BPTF: variants seen among roughly 807,000 people sequenced by gnomAD.
The protein encoded by BPTF is nucleosome-remodeling factor subunit BPTF.
Under a neutral mutation model 292.5 loss-of-function variants are expected in BPTF, and 18 were observed. The observed-to-expected ratio is 0.06, with a 90% CI of 0.04 to 0.09. The LOEUF (loss-of-function observed/expected upper bound fraction) is 0.09. Among genes scored for constraint, BPTF ranks in the 10% least tolerant of loss-of-function variants. The pLI is 1.00. For missense variants in BPTF, 2,726 were observed against 3,498.7 expected, an observed-to-expected ratio of 0.78 and a Z score of 5.57; for synonymous variants, 1,225 against 1,251.9, an observed-to-expected ratio of 0.98 and a Z score of 0.45.
intron 24 of BPTF, chr17:67,963,557 TCTGA>T (rs2067713881): frequency 7.5e-7 from 1 of 1,339,898 alleles, no homozygotes; most frequent in Non-Finnish European, 9.6e-7. Context: ...GCCAAATTGC[TCTGA>T]CTGGTTACTT....
intron 7 of BPTF, among the ~76,000 whole-genome samples, chr17:67,894,636 A>T (rs916806196): frequency 6.6e-6 from 1 of 152,140 alleles, no homozygotes; most frequent in African/African-American, 2.4e-5. Context: ...CATGAATATT[A>T]GTTCTTATTT....
intron 4 of BPTF, among the ~76,000 whole-genome samples, chr17:67,882,257 T>C (rs2060474001): frequency 2.0e-5 from 3 of 152,304 alleles, no homozygotes; most frequent in Admixed American, 2.0e-4. Context: ...AAATGATATT[T>C]AGAGACCACA....
intron 26 of BPTF, chr17:67,974,997 C>G (rs544639653): frequency 6.6e-6 from 1 of 152,188 alleles, no homozygotes; most frequent in Non-Finnish European, 1.5e-5. Flanking sequence ...TAGGTCTTTC[C>G]GGTGACCAGC....
chr17:67,964,783 A>G (rs57420634), intron 25 of BPTF, among the ~76,000 whole-genome samples: 27,181 of 151,382 alleles, frequency 0.18, 2,718 homozygotes, highest in Non-Finnish European at 0.23. Flanking sequence ...GGCGGATCAC[A>G]AGGTCAGGAG....
intron 1 of BPTF, among the ~76,000 whole-genome samples, chr17:67,845,511 G>A (rs764253883): frequency 4.6e-5 from 7 of 152,170 alleles, no homozygotes; most frequent in Non-Finnish European, 5.9e-5. Context: ...GGTGGTTCAC[G>A]CTTGTAATCC....
rs73996923 is a variant in BPTF at position 67,940,464 on chromosome 17, A to C, written c.6285A>C (p.Gln2095His). 2.5e-6 allele frequency: 4 copies of C among 1,614,150 alleles called. No individual in the cohort carries two copies. In the African/African-American group the frequency reaches 4.0e-5, roughly 16 times the overall value. Residue 2095 changes from glutamine to histidine, a missense_variant, in exon 19 of 28, where the codon CAA (glutamine) becomes CAC (histidine). Physicochemically the swap from Gln to His is conservative, Grantham distance 24 (BLOSUM62 0). Transcript: ENST00000306378. ...GTGCTCCTCAGCAAGTGATGACTCA[A>C]ATCATCAGGGGGCAGCCTGTCTCCA... is the stretch of plus-strand genomic sequence containing the variant. Reference protein sequence around the residue: ...QPGAPQQVMTQIIRGQPVSTA... With the variant: ...QPGAPQQVMTHIIRGQPVSTA...
chr17:67,887,508 AATAT>A (rs1188574759), intron 4 of BPTF, among the ~76,000 whole-genome samples: 1 of 152,176 alleles, frequency 6.6e-6, no homozygotes, highest in South Asian at 2.1e-4. Flanking sequence ...CCATCCCAAG[AATAT>A]ATATATGTTT....
chr17:67,880,643 T>TTG (rs1422002269), intron 4 of BPTF, among the ~76,000 whole-genome samples: 1 of 152,088 alleles, frequency 6.6e-6, no homozygotes, highest in Non-Finnish European at 1.5e-5. Context: ...TTTTGGTTTT[T>TTG]TGTGTGTGTG....
chr17:67,922,748 T>C, intron 13 of BPTF, 92 bp from the exon 14 acceptor site: 1 of 1,413,920 alleles, frequency 7.1e-7, no homozygotes, highest in Non-Finnish European at 9.4e-7. Context: ...ATTTAAGAAG[T>C]TTGCCAACCA....
chr17:67,933,262 GAAAA>G (rs76194753), intron 18 of BPTF, among the ~76,000 whole-genome samples: 4 of 132,744 alleles, frequency 3.0e-5, no homozygotes, highest in African/African-American at 1.1e-4. Flanking sequence ...CCGTCTGAAG[GAAAA>G]AAAAAAAAAG....
intron 26 of BPTF, among the ~76,000 whole-genome samples, chr17:67,967,287 A>G (rs1555688053): frequency 6.7e-6 from 1 of 149,458 alleles, no homozygotes; most frequent in Non-Finnish European, 1.5e-5. Flanking sequence ...GACTACAGGC[A>G]TGCACCACCA....
At chr17:67,853,191 A>G (rs1199114970) in intron 1 of BPTF, among the ~76,000 whole-genome samples, 1 of 152,238 alleles carries the variant, frequency 6.6e-6, no homozygotes, top group Non-Finnish European at 1.5e-5. Context: ...TGATACATTT[A>G]TATACTTACA....
In BPTF at chr17:67,910,986, T is replaced by C. The variant is rs758069198; in HGVS notation, c.3102T>C (p.Ser1034=). Residue 1034 remains serine, a synonymous_variant, in exon 11 of 28, where the codon TCT becomes TCC. Coordinates refer to ENST00000306378, the MANE Select transcript of BPTF (RefSeq NM_182641.4). ...TESHVNCQES[S]QVDVVNVSEG... is the part of the protein sequence containing the mutation. ...CACATGTAAATTGTCAGGAGAGTTC[T>C]CAAGTAGATGTGGTCAATGTTAGTG... 9 of 1,613,944 alleles carry C rather than the reference T, an allele frequency of 5.6e-6. No homozygotes were observed. In the African/African-American group the frequency reaches 1.2e-4, roughly 22 times the overall value.
chr17:67,910,365 C>A (rs1001299001), intron 10 of BPTF, among the ~76,000 whole-genome samples: 1 of 151,980 alleles, frequency 6.6e-6, no homozygotes, highest in African/African-American at 2.4e-5. Context: ...CTTCTCTTGG[C>A]GATATACCTA....
At chr17:67,955,065 G>A (rs1331892270) in intron 23 of BPTF, among the ~76,000 whole-genome samples, 4 of 151,888 alleles carry the variant, frequency 2.6e-5, no homozygotes, top group Admixed American at 2.0e-4. Context: ...CGAGGCGGGC[G>A]GATCACGAGG....
At chr17:67,855,902 G>A (rs2058663323) in intron 2 of BPTF, among the ~76,000 whole-genome samples, 1 of 152,222 alleles carries the variant, frequency 6.6e-6, no homozygotes, top group Non-Finnish European at 1.5e-5. Context: ...TTGATTCTTT[G>A]TGGCTGGAAG....
intron 3 of BPTF, among the ~76,000 whole-genome samples, chr17:67,869,263 AT>A (rs772907736): frequency 9.5e-4 from 144 of 152,284 alleles, no homozygotes; most frequent in Admixed American, 2.5e-3. Context: ...GAATTAAAAT[AT>A]TTTTCAGAAT....
intron 4 of BPTF, among the ~76,000 whole-genome samples, chr17:67,884,469 GCAATGGCGCAATC>G (rs1416624352): frequency 6.6e-6 from 1 of 151,620 alleles, no homozygotes; most frequent in African/African-American, 2.4e-5. Flanking sequence ...AGGCTAGAGT[GCAATGGCGCAATC>G]ACGGCTCACT....
chr17:67,904,713 A>G lies in BPTF; in HGVS notation c.2685A>G (p.Gln895=). 2 of 1,603,372 alleles carry G rather than the reference A, an allele frequency of 1.2e-6. No homozygotes were observed. Among genetic ancestry groups the G allele is most frequent in the Non-Finnish European group, 1.7e-6 (2 of 1,174,520 alleles). Residue 895 remains glutamine (Q), a synonymous_variant, in exon 9 of 28, where the codon CAA becomes CAG. Coordinates refer to ENST00000306378, the MANE Select transcript of BPTF (RefSeq NM_182641.4). ...TTCATTTACACCAGGTTTGGAAACA[A>G]AAAGGTGAAGAGTACAGAGTGACAG... is the stretch of plus-strand genomic sequence containing the variant. ...TFPVKHQVWK[Q]KGEEYRVTGY...
Sources: gnomAD v4.1 joint callset for allele counts (sites outside exome capture counted in the v4.1 genomes callset) on GRCh38, gnomAD v4.1.1 for gene constraint, MANE v1.5 for transcripts, NCBI Gene and HGNC (gene_info 2026-07-23, HGNC 2026-07-21) for gene names.